The following CSMD1 variants were observed in gnomAD, a reference collection of about 807,000 sequenced individuals.
CSMD1 encodes CUB and Sushi multiple domains 1.
A neutral mutation model predicts 417.5 loss-of-function variants in CSMD1; 213 were observed. That is an observed-to-expected ratio of 0.51 (90% CI 0.46 to 0.57). The LOEUF is 0.57. Among genes scored for constraint, CSMD1 ranks in the 20% least tolerant of loss-of-function variants. The probability of loss-of-function intolerance (pLI) is 0.00; values close to 1 mark genes in which losing one functional copy is unlikely to be tolerated. For synonymous variants in CSMD1, 2,862 were observed against 1,736.8 expected (o/e 1.65, Z -16.11); for missense variants, 6,923 against 4,529.7 (o/e 1.53, Z -15.17).
At chr8:3,926,094 C>CACACACACAAACACCAT (rs1281998066) in intron 5 of CSMD1, among the ~76,000 whole-genome samples, 43 of 59,916 alleles carry the variant, frequency 7.2e-4, no homozygotes, top group African/African-American at 3.7e-3. Context: ...CACACACACA[C>CACACACACAAACACCAT]ACACACACAC....
At chr8:3,097,631 T>C (rs1254310466) in intron 46 of CSMD1, among the ~76,000 whole-genome samples, 2 of 152,172 alleles carry the variant, frequency 1.3e-5, no homozygotes, top group African/African-American at 4.8e-5. Context: ...TGATGACAGA[T>C]TTCATCAGGC....
chr8:2,968,988 T>C (rs929474993), intron 57 of CSMD1, among the ~76,000 whole-genome samples: 3 of 152,164 alleles, frequency 2.0e-5, no homozygotes, highest in African/African-American at 7.2e-5. Flanking sequence ...ATATTAGTAC[T>C]GTTCATTTTG....
chr8:3,809,765 A>G (rs148849430), intron 5 of CSMD1, among the ~76,000 whole-genome samples: 86 of 152,292 alleles, frequency 5.6e-4, no homozygotes, highest in African/African-American at 1.8e-3. Flanking sequence ...AGACAACAGG[A>G]AAGTATTAGA....
At chr8:3,523,715 A>G (rs999235798) in intron 10 of CSMD1, among the ~76,000 whole-genome samples, 2 of 151,868 alleles carry the variant, frequency 1.3e-5, no homozygotes, top group Admixed American at 1.3e-4. Context: ...GCATGCACAC[A>G]CATATGCATG....
At chr8:2,999,266 T>G (rs1807185123) in intron 53 of CSMD1, among the ~76,000 whole-genome samples, 1 of 151,100 alleles carries the variant, frequency 6.6e-6, no homozygotes, top group Non-Finnish European at 1.5e-5. Context: ...GCAATTCTCC[T>G]GCTTCAGCCC....
chr8:4,345,477 C>T lies in CSMD1; in HGVS notation c.415+74476G>A, dbSNP rs191519200. On this transcript the variant is annotated intron_variant, in intron 3 of 69. Transcript: ENST00000635120. ...AGATAACTGGAATTACATCAAACTA[C>T]AAAGCTTTTATATAGCAAAGGAAAC... Among the ~76,000 whole-genome samples, 214 of 151,992 alleles carry T rather than the reference C, an allele frequency of 1.4e-3. 2 individuals carry two copies. The highest frequency in any genetic ancestry group is 5.0e-3 in the South Asian group (24 of 4,814).
chr8:3,367,522 G>C (rs1267968836), intron 19 of CSMD1, among the ~76,000 whole-genome samples: 1 of 151,954 alleles, frequency 6.6e-6, no homozygotes, highest in Non-Finnish European at 1.5e-5. Context: ...ATTTTTTCTG[G>C]ACTTAGACAC....
chr8:2,986,613 T>A (rs1454292974), intron 54 of CSMD1, among the ~76,000 whole-genome samples: 1 of 152,106 alleles, frequency 6.6e-6, no homozygotes, highest in Non-Finnish European at 1.5e-5. Context: ...CACACCATTC[T>A]CCTGCCTCAG....
chr8:4,447,046 C>A (rs539422103), intron 2 of CSMD1, among the ~76,000 whole-genome samples: 1 of 152,010 alleles, frequency 6.6e-6, no homozygotes, highest in Non-Finnish European at 1.5e-5. Context: ...GGATCATCAG[C>A]CTGTGTCAGG....
intron 5 of CSMD1, among the ~76,000 whole-genome samples, chr8:3,822,688 T>A (rs1801805689): frequency 6.6e-6 from 1 of 152,200 alleles, no homozygotes. Flanking sequence ...GTCACGGCAA[T>A]GACTTCCTCC....
chr8:3,534,766 G>C (rs1585319718), intron 10 of CSMD1, among the ~76,000 whole-genome samples: 1 of 152,150 alleles, frequency 6.6e-6, no homozygotes, highest in Admixed American at 6.5e-5. Context: ...GCATCTTAAA[G>C]CTAAGATTAC....
Position 4,958,335 on chromosome 8 carries a change from C to A in CSMD1, c.85+35997G>T, listed in dbSNP as rs563566472. 7.2e-5 allele frequency among the ~76,000 whole-genome samples: 11 copies of A among 152,090 alleles called. No individual in the cohort carries two copies. In the East Asian group the frequency reaches 1.7e-3, roughly 24 times the overall value. ...TACAAATATTTCCAATTGTCAAAAT[C>A]AAGTTAAAGGTGAACATGGTTGATC... On this transcript the variant is annotated intron_variant, in intron 1 of 69. Transcript: ENST00000635120.
At chr8:3,951,912 C>G (rs1811624670) in intron 5 of CSMD1, among the ~76,000 whole-genome samples, 1 of 150,992 alleles carries the variant, frequency 6.6e-6, no homozygotes, top group Non-Finnish European at 1.5e-5. Context: ...TCTTAAATAA[C>G]CAGTTTCCCA....
At chr8:3,073,338 A>T (rs1472786125) in intron 49 of CSMD1, among the ~76,000 whole-genome samples, 1 of 151,730 alleles carries the variant, frequency 6.6e-6, no homozygotes, top group African/African-American at 2.4e-5. Flanking sequence ...GCAAAAAAAA[A>T]TTAGTGGAGA....
chr8:4,721,144 C>T (rs1350812686), intron 1 of CSMD1, among the ~76,000 whole-genome samples: 2 of 152,150 alleles, frequency 1.3e-5, no homozygotes, highest in African/African-American at 2.4e-5. Context: ...CAATAAAGTT[C>T]TTCCAGCAAA....
intron 3 of CSMD1, among the ~76,000 whole-genome samples, chr8:4,240,336 T>C (rs1338366982): frequency 6.6e-6 from 1 of 152,198 alleles, no homozygotes. Flanking sequence ...TTGCTGCATC[T>C]TTGCTAAAAA....
chr8:4,605,753 A>T (rs372437379), intron 2 of CSMD1, among the ~76,000 whole-genome samples: 300 of 152,296 alleles, frequency 2.0e-3, no homozygotes, highest in African/African-American at 6.9e-3. Flanking sequence ...TAAATCTGGG[A>T]ATCAATTTAC....
rs543834057 is a variant in CSMD1, at chr8:3,612,307, C to T, written c.1097+4403G>A. Among the ~76,000 whole-genome samples, 4 of 152,160 alleles carry T rather than the reference C, an allele frequency of 2.6e-5. No homozygotes were observed. The South Asian group carries it at 8.3e-4, about 32-fold the overall frequency. ...TTACAGAGCTTCAAAATACATGAAG[C>T]AAAAACTGATAAAGCTGCAATGAGA... On this transcript the variant is annotated intron_variant, in intron 8 of 69. Coordinates refer to ENST00000635120, the MANE Select transcript of CSMD1 (RefSeq NM_033225.6).
Position 3,406,347 on chromosome 8 carries a change from A to G in CSMD1, c.2072-126T>C, listed in dbSNP as rs922726793. On this transcript the variant is annotated intron_variant, in intron 14 of 69. Transcript: ENST00000635120. ...TAATGTATATAATTATATAAATTTC[A>G]GTTGTATCATTCATAGATAGATAAT... The G allele has an allele frequency of 1.1e-5, 8 of 704,288 alleles. No individual in the cohort carries two copies. The African/African-American group carries it at 1.6e-4, about 14-fold the overall frequency. 43.6% of individuals were successfully genotyped at this position (704,288 alleles called of 1,614,324 possible).
Sources: allele counts gnomAD v4.1 joint callset (sites outside exome capture counted in the v4.1 genomes callset), GRCh38; gene constraint gnomAD v4.1.1; transcripts MANE v1.5; gene names NCBI Gene and HGNC (gene_info 2026-07-23, HGNC 2026-07-21).